TDRD3: variants seen among roughly 807,000 people sequenced by gnomAD.
The protein encoded by TDRD3 is tudor domain-containing protein 3.
In TDRD3, 45 loss-of-function variants were observed where a neutral mutation model predicts 86.7. The ratio of observed to expected loss-of-function variants is 0.52; its 90% CI spans 0.41 to 0.67. The LOEUF is 0.67. Ranked by LOEUF, TDRD3 falls within the 30% of genes least tolerant of loss-of-function variation. The probability of loss-of-function intolerance (pLI) is 0.00; values close to 1 mark genes in which losing one functional copy is unlikely to be tolerated. For missense variants in TDRD3, 814 were observed against 889.0 expected (o/e 0.92, Z 1.07); for synonymous variants, 298 against 301.7 (o/e 0.99, Z 0.13).
intron 5 of TDRD3, among the ~76,000 whole-genome samples, chr13:60,473,445 C>T (rs949449706): frequency 6.6e-6 from 1 of 152,158 alleles, no homozygotes; most frequent in South Asian, 2.1e-4. Context: ...GCATTATTAG[C>T]TTATCAGCTA....
intron 12 of TDRD3, among the ~76,000 whole-genome samples, chr13:60,548,401 T>C (rs1957978254): frequency 6.6e-6 from 1 of 152,186 alleles, no homozygotes; most frequent in Non-Finnish European, 1.5e-5. Context: ...ACTGTACTTG[T>C]TCCAGTCCTC....
chr13:60,552,031 C>G (rs533269444), intron 12 of TDRD3, among the ~76,000 whole-genome samples: 1 of 152,228 alleles, frequency 6.6e-6, no homozygotes, highest in Admixed American at 6.5e-5. Flanking sequence ...CATATCTTTC[C>G]ACCCTGGCTT....
chr13:60,544,344 T>G (rs1957886399), intron 12 of TDRD3, among the ~76,000 whole-genome samples: 1 of 151,290 alleles, frequency 6.6e-6, no homozygotes, highest in South Asian at 2.1e-4. Flanking sequence ...CTGAGGAGTC[T>G]GAGATGGGAG....
chr13:60,431,959 C>T (rs1426618917), intron 1 of TDRD3, among the ~76,000 whole-genome samples: 4 of 151,766 alleles, frequency 2.6e-5, no homozygotes, highest in Admixed American at 2.6e-4. Context: ...AATTTTTAAG[C>T]TAGCATTGAT....
rs1028370236 is a variant in TDRD3, at chr13:60,492,900, A to G, written c.718-1535A>G. ...TTCTTTGTATTTTCTTCCGTTTCAAATAATTTTCTTTCTTTTCTTTTTTTT... is the reference window on the plus strand; with the variant it reads ...TTCTTTGTATTTTCTTCCGTTTCAAGTAATTTTCTTTCTTTTCTTTTTTTT... On this transcript the variant is annotated intron_variant, in intron 7 of 13. Coordinates refer to ENST00000377881, the MANE Select transcript of TDRD3 (RefSeq NM_001146070.2). 2.0e-5 allele frequency among the ~76,000 whole-genome samples: 3 copies of G among 149,622 alleles called. No individual in the cohort carries two copies. The South Asian group carries it at 6.3e-4, about 31-fold the overall frequency.
intron 10 of TDRD3, among the ~76,000 whole-genome samples, chr13:60,513,965 T>C (rs542238812): frequency 6.6e-6 from 1 of 152,266 alleles, no homozygotes; most frequent in African/African-American, 2.4e-5. Flanking sequence ...TGGAAGTGAC[T>C]TGGGAACTGG....
In TDRD3 at chr13:60,528,913, A is replaced by C. The variant is rs1350709578; in HGVS notation, c.1688A>C (p.Lys563Thr). 6.2e-7 allele frequency: 1 copy of C among 1,612,708 alleles called. No individual in the cohort carries two copies. The highest frequency in any genetic ancestry group is 1.6e-4 in the Middle Eastern group (1 of 6,078). Reference protein sequence around the residue: ...TINNEAFSGIKIEKHFNVNTD... With the variant: ...TINNEAFSGITIEKHFNVNTD... The stretch of plus-strand genomic sequence containing the variant: ...AATAATGAAGCTTTCAGTGGTATAA[A>C]AATTGAAAAACATTTTAATGTAAAT... The change falls in exon 11 of 14, where the codon AAA becomes ACA. Residue 563 changes from lysine to threonine, a missense_variant. Transcript: ENST00000377881.
chr13:60,527,640 T>G (rs1311791277), intron 10 of TDRD3, among the ~76,000 whole-genome samples: 1 of 152,208 alleles, frequency 6.6e-6, no homozygotes, highest in Non-Finnish European at 1.5e-5. Context: ...CATTAAAAAT[T>G]ACCTTTCTAT....
intron 10 of TDRD3, among the ~76,000 whole-genome samples, chr13:60,520,246 A>G (rs1322563996): frequency 2.0e-5 from 3 of 152,238 alleles, no homozygotes; most frequent in East Asian, 3.8e-4. Context: ...ATACCATGCC[A>G]GATTAAAACT....
intron 10 of TDRD3, among the ~76,000 whole-genome samples, chr13:60,519,791 A>G (rs1957252523): frequency 6.6e-6 from 1 of 152,166 alleles, no homozygotes. Context: ...TAGGGATGTT[A>G]TAACTGTACT....
chr13:60,497,261 T>G (rs1490504268), intron 8 of TDRD3, among the ~76,000 whole-genome samples: 1 of 151,666 alleles, frequency 6.6e-6, no homozygotes, highest in East Asian at 1.9e-4. Context: ...TTTAATAGAG[T>G]GAAAACAGAG....
intron 5 of TDRD3, among the ~76,000 whole-genome samples, chr13:60,476,007 A>G (rs1002320557): frequency 2.0e-5 from 3 of 152,170 alleles, no homozygotes; most frequent in Non-Finnish European, 4.4e-5. Context: ...TACCCTGTTT[A>G]TAGTTTCCTT....
chr13:60,537,769 T>A (rs1957730344), intron 12 of TDRD3: 1 of 151,856 alleles, frequency 6.6e-6, no homozygotes, highest in African/African-American at 2.4e-5. Flanking sequence ...TGCACTACAA[T>A]TTTTTTTATT....
At chr13:60,525,124 CT>C (rs1433960681) in intron 10 of TDRD3, among the ~76,000 whole-genome samples, 3 of 134,006 alleles carry the variant, frequency 2.2e-5, no homozygotes, top group Non-Finnish European at 3.2e-5. Context: ...ACAATTTTCA[CT>C]TTCTACCTCT....
rs145844139 is a variant in TDRD3 at position 60,552,085 on chromosome 13, T to G, written c.2119-15440T>G. Among the ~76,000 whole-genome samples the G allele has an allele frequency of 3.0e-3, 451 of 152,314 alleles. 2 individuals are homozygous for G. Among genetic ancestry groups the G allele is most frequent in the African/African-American group, 0.01 (423 of 41,574 alleles). On this transcript the variant is annotated intron_variant, in intron 12 of 13. Coordinates refer to ENST00000377881, the MANE Select transcript of TDRD3 (RefSeq NM_001146070.2). The stretch of plus-strand genomic sequence containing the variant: ...TTTTCACATTTCAAAACCAATCATG[T>G]CTTCCCAACAGTTCCCCAAAGTCTT...
At chr13:60,459,701 A>C (rs1197589757) in intron 3 of TDRD3, among the ~76,000 whole-genome samples, 2 of 152,186 alleles carry the variant, frequency 1.3e-5, no homozygotes, top group African/African-American at 4.8e-5. Context: ...GCTCACTGCA[A>C]CTTCCATTTC....
intron 7 of TDRD3, 126 bp downstream of exon 7, chr13:60,486,074 C>A (rs960951104): frequency 3.1e-6 from 3 of 955,508 alleles, no homozygotes; most frequent in African/African-American, 1.7e-5. Context: ...ATTCTTCTTG[C>A]ATATTCCATA....
At chr13:60,562,081 T>G (rs1371138924) in intron 12 of TDRD3, among the ~76,000 whole-genome samples, 1 of 152,010 alleles carries the variant, frequency 6.6e-6, no homozygotes, top group Non-Finnish European at 1.5e-5. Flanking sequence ...GAGGCCAAGG[T>G]GTGTGGATCA....
At chr13:60,439,192 C>T (rs1392108059) in intron 1 of TDRD3, among the ~76,000 whole-genome samples, 1 of 152,042 alleles carries the variant, frequency 6.6e-6, no homozygotes, top group Non-Finnish European at 1.5e-5. Context: ...AATTAATAGC[C>T]TTTATTGAAG....
Sources: allele counts gnomAD v4.1 joint callset (sites outside exome capture counted in the v4.1 genomes callset), GRCh38; gene constraint gnomAD v4.1.1; transcripts MANE v1.5; gene names NCBI Gene and HGNC (gene_info 2026-07-23, HGNC 2026-07-21).